RIPK2: variants seen among roughly 807,000 people sequenced by gnomAD.
The protein encoded by RIPK2 is receptor interacting serine/threonine kinase 2.
In RIPK2, 38 loss-of-function variants were observed where a neutral mutation model predicts 60.9. The ratio of observed to expected loss-of-function variants is 0.62; its 90% CI spans 0.48 to 0.82. The LOEUF is 0.82. Among genes scored for constraint, RIPK2 ranks in the 40% least tolerant of loss-of-function variants. The pLI, the probability that RIPK2 is intolerant of heterozygous loss-of-function variation, is 0.00. For synonymous variants in RIPK2, 225 were observed against 223.4 expected, an observed-to-expected ratio of 1.01 and a Z score of -0.06; for missense variants, 518 against 647.0, an observed-to-expected ratio of 0.80 and a Z score of 2.16.
At chr8:89,784,741 G>A (rs755779874) in intron 8 of RIPK2, among the ~76,000 whole-genome samples, 1 of 152,144 alleles carries the variant, frequency 6.6e-6, no homozygotes, top group Non-Finnish European at 1.5e-5. Flanking sequence ...TCTGTTTATC[G>A]TTGCTATAAT....
At position 89,772,728 on chromosome 8, in the gene RIPK2, T is replaced by C; in HGVS notation, c.753T>C (p.Asn251=). ...SVSQGHRPVI[N]EESLPYDIPH... is the part of the protein sequence containing the mutation. ...CACAAGGACATCGACCTGTTATTAATGAAGAAAGTTTGCCATATGATATAC... is the reference window on the plus strand; with the variant it reads ...CACAAGGACATCGACCTGTTATTAACGAAGAAAGTTTGCCATATGATATAC... The change falls in exon 6 of 11, where the codon AAT becomes AAC. Residue 251 remains asparagine, a synonymous_variant. Transcript: ENST00000220751. 6.2e-7 allele frequency: 1 copy of C among 1,612,006 alleles called. No homozygotes were observed.
At chr8:89,764,207 G>A (rs1446499489) in intron 2 of RIPK2, among the ~76,000 whole-genome samples, 1 of 152,060 alleles carries the variant, frequency 6.6e-6, no homozygotes. Context: ...TTTCTCTAGG[G>A]GACAGGCCTC....
At position 89,786,675 on chromosome 8, in the gene RIPK2, A is replaced by T. The variant is rs980774523; in HGVS notation, c.1112A>T (p.Asp371Val). ...TCCCTGCCAGCTCCTCAAGACAATG[A>T]TTTTTTATCTAGTATGTAGATTTTC... ...SRSLPAPQDN[D>V]FLSRKAQDCY... The change falls in exon 9 of 11, where the codon GAT (aspartate) becomes GTT (valine). Residue 371 changes from aspartate (D) to valine (V), a missense_variant. Transcript: ENST00000220751. 20 of 1,544,644 alleles carry T rather than the reference A, an allele frequency of 1.3e-5. No homozygotes were observed. Among genetic ancestry groups the T allele is most frequent in the East Asian group, 2.3e-5 (1 of 44,280 alleles).
Position 89,787,617 on chromosome 8 carries a change from G to A in RIPK2, c.1123+931G>A, listed in dbSNP as rs184231906. Among the ~76,000 whole-genome samples, 1,120 of 152,274 alleles carry A rather than the reference G, an allele frequency of 7.4e-3. 12 individuals carry two copies. Among genetic ancestry groups the A allele is most frequent in the African/African-American group, 0.026 (1,060 of 41,514 alleles). ...ATTTGGTTTAGCTAGTAAAGAAGGT[G>A]AATGAAAGAAGTAAGAGCTAAGTAG... On this transcript the variant is annotated intron_variant, in intron 9 of 10. Transcript: ENST00000220751.
rs1435900338 is a variant in RIPK2, at chr8:89,790,629, TTTG to T, written c.*216_*218del. 2.8e-5 allele frequency: 12 copies of T among 421,924 alleles called. No individual in the cohort carries two copies. 26.1% of individuals were successfully genotyped at this position (421,924 alleles called of 1,614,324 possible). A position where few individuals can be genotyped will look rare whatever the true frequency, so the allele number is the denominator to read the frequency against. On this transcript the variant is annotated 3_prime_UTR_variant, in exon 11 of 11. Transcript: ENST00000220751. ...TACATAGTTCAATTTTTATGTCTCTTTTGTTAACAGAAACCACTTTTAAAGGAT... is the reference window on the plus strand; with the variant it reads ...TACATAGTTCAATTTTTATGTCTCTTTTAACAGAAACCACTTTTAAAGGAT...
chr8:89,768,119 A>AAG (rs1809257846), intron 3 of RIPK2, among the ~76,000 whole-genome samples: 2 of 151,630 alleles, frequency 1.3e-5, no homozygotes, highest in African/African-American at 4.8e-5. Context: ...GTCATATCAC[A>AAG]TAGTTCAAAT....
intron 8 of RIPK2, 113 bp from the exon 9 acceptor site, chr8:89,786,480 A>T: frequency 2.8e-6 from 2 of 705,666 alleles, no homozygotes; most frequent in Non-Finnish European, 4.8e-6. Context: ...TCTGAAAAAA[A>T]AAAATTAGTA....
chr8:89,774,867 G>A (rs1304391781), intron 6 of RIPK2, among the ~76,000 whole-genome samples: 1 of 152,166 alleles, frequency 6.6e-6, no homozygotes, highest in Admixed American at 6.6e-5. Flanking sequence ...ACAGTAGAGA[G>A]TGTAGTCCTT....
intron 6 of RIPK2, among the ~76,000 whole-genome samples, chr8:89,773,252 A>T (rs1226703338): frequency 2.6e-5 from 4 of 152,142 alleles, no homozygotes; most frequent in African/African-American, 9.7e-5. Flanking sequence ...AAGGTAATAG[A>T]CTAATTAAGG....
Position 89,786,685 on chromosome 8 carries a change from T to G in RIPK2, c.1122T>G (p.Ser374=). ...LPAPQDNDFL[S]RKAQDCYFMK... is the part of the protein sequence containing the mutation. The stretch of plus-strand genomic sequence containing the variant: ...CTCCTCAAGACAATGATTTTTTATC[T>G]AGTATGTAGATTTTCCAATCATTAT... Residue 374 remains serine (S), a splice_region_variant and synonymous_variant, in exon 9 of 11, where the codon TCT becomes TCG. Transcript: ENST00000220751. 1.3e-6 allele frequency: 2 copies of G among 1,502,362 alleles called. No individual in the cohort carries two copies. Among genetic ancestry groups the G allele is most frequent in the Non-Finnish European group, 1.8e-6 (2 of 1,095,082 alleles). The allele number at this position is 1,502,362 out of a possible 1,614,324, so 93.1% of individuals were successfully genotyped here. A position where few individuals can be genotyped will look rare whatever the true frequency, so the allele number is the denominator to read the frequency against.
chr8:89,788,210 G>T (rs1809618236), intron 9 of RIPK2, among the ~76,000 whole-genome samples: 5 of 151,636 alleles, frequency 3.3e-5, no homozygotes. Flanking sequence ...GGGTATGGTG[G>T]TGCACACCTG....
Position 89,790,186 on chromosome 8 carries a change from T to A in RIPK2, c.1393T>A (p.Ser465Thr), listed in dbSNP as rs1473529633. ...CLNQSLDALL[S>T]RDLIMKEDYE... ...TAACCAGTCGCTAGATGCCCTTCTG[T>A]CCAGGGACTTGATCATGAAAGAGGA... The change falls in exon 11 of 11, where the codon TCC becomes ACC. Residue 465 changes from serine (S) to threonine (T), a missense_variant. This residue lies in a region of RIPK2 where 29 missense variants were observed against 68.6 expected (regional missense o/e 0.42). Transcript: ENST00000220751. 2.5e-6 allele frequency: 4 copies of A among 1,614,052 alleles called. No homozygotes were observed. Among genetic ancestry groups the A allele is most frequent in the Non-Finnish European group, 3.4e-6 (4 of 1,179,968 alleles).
Position 89,757,953 on chromosome 8 carries a change from C to T in RIPK2, c.-108C>T. 2 of 1,414,956 alleles carry T rather than the reference C, an allele frequency of 1.4e-6. No homozygotes were observed. Among genetic ancestry groups the T allele is most frequent in the Non-Finnish European group, 1.8e-6 (2 of 1,086,626 alleles). The allele number at this position is 1,414,956 out of a possible 1,614,324, so 87.7% of individuals were successfully genotyped here. A position where few individuals can be genotyped will look rare whatever the true frequency, so the allele number is the denominator to read the frequency against. The stretch of plus-strand genomic sequence containing the variant: ...TGTTGCGGGGCAAAAAGGGTCTTGC[C>T]GGCCTCGCTCGTGCAGGGGCGTATC... On this transcript the variant is annotated 5_prime_UTR_variant, in exon 1 of 11. Coordinates refer to ENST00000220751, the MANE Select transcript of RIPK2 (RefSeq NM_003821.6).
rs371156621 is a variant in RIPK2, at chr8:89,772,856, T to G, written c.853+28T>G. The G allele has an allele frequency of 6.8e-6, 10 of 1,470,050 alleles. No homozygotes were observed. In the African/African-American group the frequency reaches 1.4e-4, roughly 21 times the overall value. 91.1% of individuals were successfully genotyped at this position (1,470,050 alleles called of 1,614,324 possible). On this transcript the variant is annotated intron_variant, in intron 6 of 10. Transcript: ENST00000220751. ...GAGTATATAGTTTTAACCTAGACTCTTTGAATTACAGAATTAGTTAATATA... is the reference window on the plus strand; with the variant it reads ...GAGTATATAGTTTTAACCTAGACTCGTTGAATTACAGAATTAGTTAATATA...
intron 6 of RIPK2, 54 bp downstream of exon 6, chr8:89,772,882 C>T: frequency 8.2e-7 from 1 of 1,225,936 alleles, no homozygotes; most frequent in Non-Finnish European, 1.1e-6. Flanking sequence ...AGTTAATATA[C>T]TGTGAATAAA....
intron 6 of RIPK2, 125 bp downstream of exon 6, chr8:89,772,953 T>A (rs935736123): frequency 1.7e-6 from 1 of 581,958 alleles, no homozygotes; most frequent in Admixed American, 3.8e-5. Context: ...AATTATTTTC[T>A]GTCTTATCAT....
intron 6 of RIPK2, among the ~76,000 whole-genome samples, chr8:89,778,078 A>C (rs1809431087): frequency 1.3e-5 from 2 of 152,076 alleles, no homozygotes; most frequent in South Asian, 4.1e-4. Context: ...TTAATAAAAA[A>C]ATAAAGGAAG....
At chr8:89,789,613 G>C (rs1809642685) in intron 10 of RIPK2, 131 bp downstream of exon 10, 2 of 818,760 alleles carry the variant, frequency 2.4e-6, no homozygotes, top group African/African-American at 1.7e-5. Context: ...TCTTAAGTAG[G>C]AAAACAAATC....
At chr8:89,774,011 T>C (rs1796753210) in intron 6 of RIPK2, among the ~76,000 whole-genome samples, 1 of 152,076 alleles carries the variant, frequency 6.6e-6, no homozygotes, top group Admixed American at 6.6e-5. Flanking sequence ...GCCCAGGAGT[T>C]TGAGGATGTG....
Sources: allele counts gnomAD v4.1 joint callset (sites outside exome capture counted in the v4.1 genomes callset), GRCh38; gene constraint gnomAD v4.1.1; regional missense constraint gnomAD v4.1.1; transcripts MANE v1.5; gene names NCBI Gene and HGNC (gene_info 2026-07-23, HGNC 2026-07-21).